CAPS2: variants seen among roughly 807,000 people sequenced by gnomAD.
CAPS2 encodes calcyphosine 2.
In CAPS2, 98 loss-of-function variants were observed where a neutral mutation model predicts 86.5. That is an observed-to-expected ratio of 1.13 (90% CI 0.96 to 1.34). CAPS2 has a LOEUF of 1.34. CAPS2 is among the 40% of genes most tolerant of loss of function. The pLI is 0.00. For missense variants in CAPS2, 729 were observed against 686.8 expected (o/e 1.06, Z -0.69); for synonymous variants, 210 against 225.1 (o/e 0.93, Z 0.60).
intron 1 of CAPS2, among the ~76,000 whole-genome samples, chr12:75,348,223 T>C (rs1030958966): frequency 6.6e-6 from 1 of 152,156 alleles, no homozygotes; most frequent in Non-Finnish European, 1.5e-5. Context: ...CCTCTAATCC[T>C]GGTGAATCTA....
upstream of CAPS2, among the ~76,000 whole-genome samples, chr12:75,329,488 T>TA (rs1482652804): frequency 1.3e-5 from 2 of 151,678 alleles, no homozygotes; most frequent in East Asian, 3.8e-4. Flanking sequence ...TTCCCTCATT[T>TA]TTTTTTAAGG....
intron 7 of CAPS2, among the ~76,000 whole-genome samples, chr12:75,306,681 G>A (rs1392302678): frequency 6.6e-6 from 1 of 152,142 alleles, no homozygotes; most frequent in African/African-American, 2.4e-5. Context: ...GTATGGGACT[G>A]ATGATGTGTA....
chr12:75,298,710 A>G (rs1231877188), exon 11 of CAPS2: 2 of 1,613,858 alleles, frequency 1.2e-6, no homozygotes, highest in East Asian at 2.2e-5. Flanking sequence ...CCAAGTCGGT[A>G]TTGTTTTCCT....
At chr12:75,371,872 T>C (rs2044380879) in intron 1 of CAPS2, among the ~76,000 whole-genome samples, 1 of 152,226 alleles carries the variant, frequency 6.6e-6, no homozygotes, top group Non-Finnish European at 1.5e-5. Flanking sequence ...GTTGTATTTA[T>C]GACTACCTGT....
chr12:75,379,343 G>A (rs2139792315), intron 1 of CAPS2, among the ~76,000 whole-genome samples: 1 of 152,302 alleles, frequency 6.6e-6, no homozygotes, highest in East Asian at 1.9e-4. Context: ...GGCTAGAAAG[G>A]CAGAGCATCT....
At chr12:75,354,520 T>G (rs959292791) in intron 1 of CAPS2, among the ~76,000 whole-genome samples, 2 of 152,210 alleles carry the variant, frequency 1.3e-5, no homozygotes, top group Non-Finnish European at 2.9e-5. Context: ...TGTTCATGGA[T>G]AGTAAGAATC....
intron 6 of CAPS2, 25 bp from the exon 7 acceptor site, chr12:75,312,940 T>C (rs60971359): frequency 0.38 from 551,167 of 1,439,776 alleles, 109,161 homozygotes; most frequent in East Asian, 0.46. Context: ...TAAAGACAAC[T>C]TCACCATCCA....
Position 75,304,685 on chromosome 12 carries a change from C to T in CAPS2, c.779+72G>A, listed in dbSNP as rs573370957. 3.5e-6 allele frequency: 4 copies of T among 1,151,372 alleles called. No homozygotes were observed. In the African/African-American group the frequency reaches 4.8e-5, roughly 14 times the overall value. The allele number at this position is 1,151,372 out of a possible 1,614,324, so 71.3% of individuals were successfully genotyped here. A position where few individuals can be genotyped will look rare whatever the true frequency, so the allele number is the denominator to read the frequency against. On this transcript the variant is annotated intron_variant, in intron 8 of 16. Transcript: ENST00000393284. ...AACAAACACAAAAGCTCCAGCTAGA[C>T]ACAGAAGTACATTTTAAAAATACTT... is the stretch of plus-strand genomic sequence containing the variant.
intron 1 of CAPS2, among the ~76,000 whole-genome samples, chr12:75,359,301 A>G (rs2043386926): frequency 6.7e-6 from 1 of 149,192 alleles, no homozygotes; most frequent in African/African-American, 2.5e-5. Context: ...CAAAGACACA[A>G]TAGCGACATA....
intron 1 of CAPS2, among the ~76,000 whole-genome samples, chr12:75,389,849 T>A (rs926681448): frequency 3.9e-5 from 6 of 152,224 alleles, no homozygotes; most frequent in Non-Finnish European, 8.8e-5. Context: ...CACTAAATTG[T>A]AAGCTGCTTG....
At chr12:75,312,888 G>C in exon 7 of CAPS2, 2 of 1,607,530 alleles carry the variant, frequency 1.2e-6, no homozygotes, top group Non-Finnish European at 1.7e-6. Flanking sequence ...GCAACAATCT[G>C]TTTCTTCTTC....
intron 1 of CAPS2, among the ~76,000 whole-genome samples, chr12:75,379,185 A>AT (rs1173245589): frequency 1.3e-5 from 2 of 152,240 alleles, no homozygotes; most frequent in Non-Finnish European, 2.9e-5. Flanking sequence ...AAAATTTAAA[A>AT]TTTTTTTACA....
At chr12:75,359,662 A>G (rs2043431822) in intron 1 of CAPS2, among the ~76,000 whole-genome samples, 1 of 152,134 alleles carries the variant, frequency 6.6e-6, no homozygotes, top group South Asian at 2.1e-4. Flanking sequence ...GAATACAGAG[A>G]TCAGAAATAG....
rs751069184 is a variant in CAPS2, at chr12:75,289,827, T to A, written c.1241-52A>T. The A allele has an allele frequency of 3.1e-6, 4 of 1,302,400 alleles. No individual in the cohort carries two copies. In the South Asian group the frequency reaches 5.4e-5, roughly 18 times the overall value. The allele number at this position is 1,302,400 out of a possible 1,614,324, so 80.7% of individuals were successfully genotyped here. On this transcript the variant is annotated intron_variant, in intron 13 of 16. Transcript: ENST00000393284. ...CAAATTGTTCCTATGCATAAATGTATAAAGCCGCAGTTATCTTTCATAAGA... is the reference window on the plus strand; with the variant it reads ...CAAATTGTTCCTATGCATAAATGTAAAAAGCCGCAGTTATCTTTCATAAGA...
chr12:75,376,032 G>C lies in CAPS2; in HGVS notation c.-395+14806C>G, dbSNP rs182693729. Among the ~76,000 whole-genome samples, 3 of 152,262 alleles carry C rather than the reference G, an allele frequency of 2.0e-5. No homozygotes were observed. In the East Asian group the frequency reaches 5.8e-4, roughly 29 times the overall value. The stretch of plus-strand genomic sequence containing the variant: ...TATGTCTTCTGGATCCGCCCAGTTG[G>C]AATGAGTAAGTCTAAAGTGATGAAT... On this transcript the variant is annotated intron_variant, in intron 1 of 5. Transcript: ENST00000551829.
chr12:75,301,926 G>A (rs2037867751), intron 8 of CAPS2, among the ~76,000 whole-genome samples: 1 of 152,200 alleles, frequency 6.6e-6, no homozygotes, highest in Admixed American at 6.5e-5. Flanking sequence ...GAAGATTAAA[G>A]TATGAATTTA....
chr12:75,298,889 C>T (rs780956187), exon 10 of CAPS2: 14 of 1,609,784 alleles, frequency 8.7e-6, no homozygotes, highest in African/African-American at 6.7e-5. Flanking sequence ...CCCAAATTGT[C>T]GATATTCATA....
intron 1 of CAPS2, among the ~76,000 whole-genome samples, chr12:75,374,839 T>C (rs892902520): frequency 2.6e-5 from 4 of 152,210 alleles, no homozygotes; most frequent in African/African-American, 9.6e-5. Context: ...TGTGTTAATT[T>C]GCTTGAGCTA....
At chr12:75,379,383 G>A (rs995000103) in intron 1 of CAPS2, among the ~76,000 whole-genome samples, 2 of 152,138 alleles carry the variant, frequency 1.3e-5, no homozygotes, top group African/African-American at 4.8e-5. Flanking sequence ...TCCTCTTATT[G>A]TCAAGAAGAG....
Sources: gnomAD v4.1 joint callset for allele counts (sites outside exome capture counted in the v4.1 genomes callset) on GRCh38, gnomAD v4.1.1 for gene constraint, MANE v1.5 for transcripts, NCBI Gene and HGNC (gene_info 2026-07-23, HGNC 2026-07-21) for gene names.